Variants in ANKRD6 observed in about 807,000 individuals in gnomAD.
ANKRD6 encodes the protein ankyrin repeat domain-containing protein 6.
In ANKRD6, 56 loss-of-function variants were observed where a neutral mutation model predicts 82.3. That is an observed-to-expected ratio of 0.68 (90% CI 0.55 to 0.85). The LOEUF (loss-of-function observed/expected upper bound fraction) is 0.85. Ranked by LOEUF, ANKRD6 falls within the 40% of genes least tolerant of loss-of-function variation. The pLI, the probability that ANKRD6 is intolerant of heterozygous loss-of-function variation, is 0.00. For synonymous variants in ANKRD6, 347 were observed against 352.1 expected (o/e 0.99, Z 0.16); for missense variants, 852 against 907.6 (o/e 0.94, Z 0.79).
chr6:89,481,271 A>C (rs1776776956), intron 1 of ANKRD6, among the ~76,000 whole-genome samples: 2 of 152,194 alleles, frequency 1.3e-5, no homozygotes, highest in South Asian at 4.1e-4. Context: ...CTCTCATACA[A>C]TGTTGGTAGG....
In ANKRD6 at chr6:89,586,684, T is replaced by TG. The variant is rs1243636326; in HGVS notation, c.121-9227dup. Among the ~76,000 whole-genome samples the TG allele has an allele frequency of 4.0e-5, 6 of 150,616 alleles. No individual in the cohort carries two copies. In the South Asian group the frequency reaches 1.3e-3, roughly 32 times the overall value. ...CCTGGTCCACAAAGCAAGACTGTCT[T>TG]GGGGGAGAAAAAAAGAAAATGTAGT... On this transcript the variant is annotated intron_variant, in intron 2 of 15. Coordinates refer to ENST00000339746, the MANE Select transcript of ANKRD6 (RefSeq NM_001242809.2).
intron 1 of ANKRD6, among the ~76,000 whole-genome samples, chr6:89,457,766 T>C (rs2127966067): frequency 6.6e-6 from 1 of 152,260 alleles, no homozygotes; most frequent in Non-Finnish European, 1.5e-5. Context: ...CCCTAATAAG[T>C]TGATTGAGTT....
At chr6:89,565,486 T>C (rs1279166939) in intron 1 of ANKRD6, 3 of 152,342 alleles carry the variant, frequency 2.0e-5, no homozygotes, top group Non-Finnish European at 4.4e-5. Flanking sequence ...TAAAATACCC[T>C]CTTTAATACC....
At chr6:89,510,841 C>T (rs553689007) in intron 1 of ANKRD6, among the ~76,000 whole-genome samples, 2 of 152,288 alleles carry the variant, frequency 1.3e-5, no homozygotes, top group Admixed American at 6.5e-5. Context: ...CTGTACCCCT[C>T]ACAGTACCTG....
intron 1 of ANKRD6, among the ~76,000 whole-genome samples, chr6:89,458,385 C>G (rs1773726692): frequency 6.6e-6 from 1 of 152,070 alleles, no homozygotes; most frequent in Admixed American, 6.5e-5. Flanking sequence ...GGTTAAAGTC[C>G]CACAGTAGCC....
intron 1 of ANKRD6, among the ~76,000 whole-genome samples, chr6:89,538,438 T>C (rs532236751): frequency 3.3e-5 from 5 of 152,336 alleles, no homozygotes; most frequent in East Asian, 3.9e-4. Context: ...TTAAATTGTA[T>C]GTATGGGGAT....
At chr6:89,474,971 TTG>T (rs1775878047) in intron 1 of ANKRD6, among the ~76,000 whole-genome samples, 1 of 152,216 alleles carries the variant, frequency 6.6e-6, no homozygotes, top group African/African-American at 2.4e-5. Context: ...TTGAAATTAT[TTG>T]TGTTTTTACT....
chr6:89,470,498 A>C (rs1451641523), intron 1 of ANKRD6, among the ~76,000 whole-genome samples: 2 of 152,230 alleles, frequency 1.3e-5, no homozygotes, highest in African/African-American at 4.8e-5. Flanking sequence ...ATGAGTGCCT[A>C]TAGTCCCAGA....
intron 13 of ANKRD6, among the ~76,000 whole-genome samples, 162 bp downstream of exon 13, chr6:89,624,853 ATT>A (rs1805058149): frequency 1.3e-5 from 2 of 152,210 alleles, no homozygotes; most frequent in Non-Finnish European, 2.9e-5. Flanking sequence ...AAGTACATTT[ATT>A]TCAGCTTTTT....
At chr6:89,450,818 A>G (rs1185549134) in intron 1 of ANKRD6, among the ~76,000 whole-genome samples, 1 of 152,146 alleles carries the variant, frequency 6.6e-6, no homozygotes, top group African/African-American at 2.4e-5. Context: ...GTATTTTTAA[A>G]TAAGGTATGT....
chr6:89,476,177 T>C (rs560332359), intron 1 of ANKRD6, among the ~76,000 whole-genome samples: 1 of 152,148 alleles, frequency 6.6e-6, no homozygotes, highest in African/African-American at 2.4e-5. Context: ...GTTTTTGTTT[T>C]TTTGTTTTGT....
intron 1 of ANKRD6, among the ~76,000 whole-genome samples, chr6:89,466,745 C>T (rs890251713): frequency 3.3e-5 from 5 of 152,062 alleles, no homozygotes; most frequent in Non-Finnish European, 7.4e-5. Context: ...CTCACTCTGT[C>T]ACCTAGGCTA....
intron 2 of ANKRD6, among the ~76,000 whole-genome samples, chr6:89,582,462 AT>A (rs984265026): frequency 2.0e-5 from 3 of 152,250 alleles, no homozygotes; most frequent in Admixed American, 1.3e-4. Context: ...AAGTGCTGAG[AT>A]TACAGGCATG....
intron 1 of ANKRD6, among the ~76,000 whole-genome samples, chr6:89,449,159 A>T (rs1210577945): frequency 6.6e-6 from 1 of 152,200 alleles, no homozygotes; most frequent in East Asian, 1.9e-4. Context: ...TGTAGATGCC[A>T]TTAAGAACAT....
At chr6:89,538,861 G>A (rs543189652) in intron 1 of ANKRD6, among the ~76,000 whole-genome samples, 6 of 151,938 alleles carry the variant, frequency 3.9e-5, no homozygotes, top group South Asian at 4.1e-4. Flanking sequence ...TTCATGCAAA[G>A]AAGAAGAGCA....
chr6:89,596,833 T>A (rs2128157071), intron 3 of ANKRD6, among the ~76,000 whole-genome samples: 1 of 152,346 alleles, frequency 6.6e-6, no homozygotes, highest in African/African-American at 2.4e-5. Flanking sequence ...ATAATACAGT[T>A]GAAAACTATT....
chr6:89,598,492 T>C, intron 3 of ANKRD6: 1 of 920,330 alleles, frequency 1.1e-6, no homozygotes. Flanking sequence ...TGTCTGCCTG[T>C]GCCACATGGG....
intron 3 of ANKRD6, among the ~76,000 whole-genome samples, chr6:89,600,315 A>G (rs1339472746): frequency 6.6e-6 from 1 of 152,172 alleles, no homozygotes; most frequent in Non-Finnish European, 1.5e-5. Context: ...ATGACAAAAA[A>G]TATTTGACCT....
chr6:89,604,688 C>G (rs1798082118), intron 4 of ANKRD6, among the ~76,000 whole-genome samples: 1 of 152,184 alleles, frequency 6.6e-6, no homozygotes, highest in South Asian at 2.1e-4. Context: ...CTGCCCCTTG[C>G]ATCCCCGCTT....
Sources: allele counts gnomAD v4.1 joint callset (sites outside exome capture counted in the v4.1 genomes callset), GRCh38; gene constraint gnomAD v4.1.1; transcripts MANE v1.5; gene names NCBI Gene and HGNC (gene_info 2026-07-23, HGNC 2026-07-21).